Variants in GNPAT observed in about 807,000 individuals in gnomAD.
GNPAT encodes the protein dihydroxyacetone phosphate acyltransferase.
In GNPAT, 30 loss-of-function variants were observed where a neutral mutation model predicts 78.4. The observed-to-expected ratio is 0.38, with a 90% confidence interval of 0.29 to 0.52. GNPAT has a LOEUF of 0.52. Among genes scored for constraint, GNPAT ranks in the 20% least tolerant of loss-of-function variants. GNPAT has a pLI of 0.84. For synonymous variants in GNPAT, 271 were observed against 281.1 expected, an observed-to-expected ratio of 0.96 and a Z score of 0.36; for missense variants, 714 against 812.2, an observed-to-expected ratio of 0.88 and a Z score of 1.47.
intron 2 of GNPAT, among the ~76,000 whole-genome samples, chr1:231,257,397 G>A (rs557897058): frequency 4.6e-5 from 7 of 152,226 alleles, no homozygotes; most frequent in Non-Finnish European, 8.8e-5. Flanking sequence ...TTAGCAGATT[G>A]CTGAAGCTTA....
At chr1:231,256,704 T>C (rs1685077696) in intron 2 of GNPAT, among the ~76,000 whole-genome samples, 1 of 152,088 alleles carries the variant, frequency 6.6e-6, no homozygotes, top group Non-Finnish European at 1.5e-5. Context: ...GCCAGGATGG[T>C]CTCGATCTCC....
chr1:231,263,199 G>A (rs1488046092), intron 4 of GNPAT, among the ~76,000 whole-genome samples: 2 of 152,208 alleles, frequency 1.3e-5, no homozygotes, highest in African/African-American at 2.4e-5. Flanking sequence ...ATTTTTAATT[G>A]TGATAAAATA....
At chr1:231,272,162 T>A in intron 10 of GNPAT, 150 bp from the exon 11 acceptor site, 2 of 623,606 alleles carry the variant, frequency 3.2e-6, no homozygotes, top group Non-Finnish European at 6.1e-6. Flanking sequence ...TTGGGTTTAA[T>A]TTAGCTTCCC....
intron 10 of GNPAT, among the ~76,000 whole-genome samples, chr1:231,271,975 C>T (rs2102824660): frequency 6.6e-6 from 1 of 152,288 alleles, no homozygotes; most frequent in South Asian, 2.1e-4. Context: ...CGGCGAGTGC[C>T]TGTAATCCCA....
chr1:231,275,796 A>G (rs1034213854), intron 14 of GNPAT, among the ~76,000 whole-genome samples: 6 of 152,262 alleles, frequency 3.9e-5, no homozygotes, highest in African/African-American at 1.2e-4. Flanking sequence ...TAGTGGGCAT[A>G]TGAGTGTAGA....
chr1:231,272,628 T>G (rs1005952426), intron 11 of GNPAT, among the ~76,000 whole-genome samples: 1 of 152,222 alleles, frequency 6.6e-6, no homozygotes, highest in African/African-American at 2.4e-5. Flanking sequence ...CTTTGAACTA[T>G]CAGTGTGGCC....
chr1:231,248,682 C>T (rs960628773), intron 1 of GNPAT, among the ~76,000 whole-genome samples: 1 of 152,126 alleles, frequency 6.6e-6, no homozygotes, highest in African/African-American at 2.4e-5. Flanking sequence ...CAAACACACA[C>T]AGAGTCACAT....
intron 1 of GNPAT, among the ~76,000 whole-genome samples, chr1:231,245,095 C>T (rs1338760394): frequency 6.6e-6 from 1 of 152,192 alleles, no homozygotes; most frequent in Non-Finnish European, 1.5e-5. Context: ...ATTGCTGGCT[C>T]TTTGTATTAT....
intron 8 of GNPAT, among the ~76,000 whole-genome samples, chr1:231,267,076 T>C (rs1685409369): frequency 6.6e-6 from 1 of 152,186 alleles, no homozygotes; most frequent in Admixed American, 6.5e-5. Flanking sequence ...TCTCTTTAGA[T>C]CTCAAATTGG....
chr1:231,248,771 T>C (rs1170087716), intron 1 of GNPAT, among the ~76,000 whole-genome samples: 1 of 152,228 alleles, frequency 6.6e-6, no homozygotes. Flanking sequence ...GTATCTTTTT[T>C]GTGTTTATAT....
At chr1:231,261,796 A>AT (rs983233074) in intron 3 of GNPAT, among the ~76,000 whole-genome samples, 6 of 151,910 alleles carry the variant, frequency 3.9e-5, no homozygotes, top group African/African-American at 1.2e-4. Flanking sequence ...TGTGTTTTAT[A>AT]TTTTTTTCTT....
At position 231,275,512 on chromosome 1, in the gene GNPAT, A is replaced by G. The variant is rs1685687757; in HGVS notation, c.1937+14A>G. 1 of 1,430,700 alleles carries G rather than the reference A, an allele frequency of 7.0e-7. No individual in the cohort carries two copies. The allele number at this position is 1,430,700 out of a possible 1,614,324, so 88.6% of individuals were successfully genotyped here. On this transcript the variant is annotated intron_variant, in intron 14 of 15. Transcript: ENST00000366647. The stretch of plus-strand genomic sequence containing the variant: ...GAAGAAGAAGATGTAAGTACTGTAC[A>G]AGATCCCATGAGTGCTCAAGGAACA...
chr1:231,269,511 G>T (rs2102821864), intron 9 of GNPAT, among the ~76,000 whole-genome samples: 1 of 152,326 alleles, frequency 6.6e-6, no homozygotes. Flanking sequence ...CGCAGCAGTG[G>T]AGGCACTCAG....
chr1:231,273,278 G>A (rs1685617145), intron 11 of GNPAT, among the ~76,000 whole-genome samples: 1 of 145,048 alleles, frequency 6.9e-6, no homozygotes, highest in East Asian at 2.1e-4. Context: ...TTGAGGTGGA[G>A]TCTGGCTCTG....
At position 231,272,383 on chromosome 1, in the gene GNPAT, A is replaced by G; in HGVS notation, c.1594A>G (p.Thr532Ala). ...TGAGTTCATCTTCCTTCCAGGAAAC[A>G]CACTAAAGGTAAAGTGCTTACAACA... ...ADEFIFLPGNTLKDFEEGCYL... is the reference protein window; with the variant it reads ...ADEFIFLPGNALKDFEEGCYL... The change falls in exon 11 of 16, where the codon ACA (threonine) becomes GCA (alanine). Residue 532 changes from threonine (T) to alanine (A), a missense_variant. Physicochemically the swap from Thr to Ala is moderately conservative, Grantham distance 58. Transcript: ENST00000366647. The G allele has an allele frequency of 1.3e-6, 2 of 1,554,776 alleles. No homozygotes were observed. Among genetic ancestry groups the G allele is most frequent in the Non-Finnish European group, 1.8e-6 (2 of 1,126,898 alleles).
At chr1:231,260,822 GC>G in intron 3 of GNPAT, 139 bp downstream of exon 3, 1 of 660,056 alleles carries the variant, frequency 1.5e-6, no homozygotes, top group Non-Finnish European at 2.6e-6. Flanking sequence ...AAAGCCTAGG[GC>G]CTAATCATCA....
In GNPAT at chr1:231,273,957, T is replaced by C. The variant is rs531554427; in HGVS notation, c.1638T>C (p.Ser546=). 10 of 1,613,008 alleles carry C rather than the reference T, an allele frequency of 6.2e-6. No individual in the cohort carries two copies. The Admixed American group carries it at 8.3e-5, about 13-fold the overall frequency. ...AAGGCTGTTACCTGCTTTGTAAAAG[T>C]GAAGCCATACAAGTGACTACGAAAG... is the stretch of plus-strand genomic sequence containing the variant. ...FEEGCYLLCK[S]EAIQVTTKDI... is the part of the protein sequence containing the mutation. Residue 546 remains serine (S), a synonymous_variant, in exon 12 of 16, where the codon AGT becomes AGC. Transcript: ENST00000366647.
At chr1:231,277,063 G>A (rs956336376) in intron 15 of GNPAT, among the ~76,000 whole-genome samples, 6 of 152,164 alleles carry the variant, frequency 3.9e-5, no homozygotes, top group African/African-American at 7.2e-5. Flanking sequence ...GTTGCATATC[G>A]GGAAGGCGGA....
Position 231,265,601 on chromosome 1 carries a change from GTGTT to G in GNPAT, c.697-106_697-103del, listed in dbSNP as rs1355631985. On this transcript the variant is annotated intron_variant, in intron 5 of 15. Transcript: ENST00000366647. ...TCTTGTTTAATTTTCACTGTAAGCT[GTGTT>G]TGTTCAGGAAGCTTGGGAGGGAGCT... 5.6e-6 allele frequency: 5 copies of G among 886,280 alleles called. No individual in the cohort carries two copies. In the African/African-American group the frequency reaches 6.6e-5, roughly 12 times the overall value. The allele number at this position is 886,280 out of a possible 1,614,324, so 54.9% of individuals were successfully genotyped here.
Sources: gnomAD v4.1 joint callset for allele counts (sites outside exome capture counted in the v4.1 genomes callset) on GRCh38, gnomAD v4.1.1 for gene constraint, MANE v1.5 for transcripts, NCBI Gene and HGNC (gene_info 2026-07-23, HGNC 2026-07-21) for gene names.